FAM120B: variants seen among roughly 807,000 people sequenced by gnomAD.
The protein encoded by FAM120B is constitutive coactivator of peroxisome proliferator-activated receptor gamma.
In FAM120B, 83 loss-of-function variants were observed where a neutral mutation model predicts 96.3. That is an observed-to-expected ratio of 0.86 (90% CI 0.72 to 1.03). The LOEUF is 1.03. Among genes scored for constraint, FAM120B ranks in the 50% least tolerant of loss-of-function variants. The probability of loss-of-function intolerance (pLI) is 0.00; values close to 1 mark genes in which losing one functional copy is unlikely to be tolerated. For missense variants in FAM120B, 1,027 were observed against 1,121.2 expected, an observed-to-expected ratio of 0.92 and a Z score of 1.20; for synonymous variants, 407 against 402.7, an observed-to-expected ratio of 1.01 and a Z score of -0.13.
At chr6:170,385,379 G>T (rs552011510) in intron 6 of FAM120B, among the ~76,000 whole-genome samples, 37 of 152,074 alleles carry the variant, frequency 2.4e-4, no homozygotes, top group Admixed American at 2.3e-3. Flanking sequence ...TAAAAAAAAG[G>T]CTGAAAATCA....
At chr6:170,329,325 T>G (rs965784549) in intron 3 of FAM120B, among the ~76,000 whole-genome samples, 1 of 151,842 alleles carries the variant, frequency 6.6e-6, no homozygotes, top group Non-Finnish European at 1.5e-5. Flanking sequence ...TGATAGAGAG[T>G]TGTTTCCCTT....
In FAM120B at chr6:170,318,692, G is replaced by C; in HGVS notation, c.1302G>C (p.Arg434Ser). ...CCATGTATACAGACTCTGAACCCAG[G>C]CAAGAAGTTCCCATGTATACAGACT... ...EVPMYTDSEP[R>S]QEVPMYTDSE... The change falls in exon 2 of 11, where the codon AGG becomes AGC. Residue 434 changes from arginine (R) to serine (S), a missense_variant. Physicochemically the swap from Arg to Ser is moderately radical, Grantham distance 110 (BLOSUM62 -1). This residue lies in a region of FAM120B where 880 missense variants were observed against 980.9 expected (regional missense o/e 0.90). Transcript: ENST00000476287. 6.3e-7 allele frequency: 1 copy of C among 1,593,436 alleles called. No homozygotes were observed. Among genetic ancestry groups the C allele is most frequent in the Non-Finnish European group, 8.6e-7 (1 of 1,168,906 alleles).
chr6:170,376,457 G>A (rs1470335084), intron 6 of FAM120B, among the ~76,000 whole-genome samples: 10 of 144,810 alleles, frequency 6.9e-5, no homozygotes, highest in African/African-American at 2.5e-4. Flanking sequence ...TGAACACAGA[G>A]ATCATAGTGT....
At chr6:170,382,972 G>C (rs545156122) in intron 6 of FAM120B, among the ~76,000 whole-genome samples, 3 of 152,196 alleles carry the variant, frequency 2.0e-5, no homozygotes, top group East Asian at 3.9e-4. Context: ...AAACAGAATA[G>C]AGAACCCAGA....
At chr6:170,348,129 A>G (rs1174577408) in intron 4 of FAM120B, 22 bp from the exon 5 acceptor site, 2 of 1,605,716 alleles carry the variant, frequency 1.2e-6, no homozygotes, top group Admixed American at 3.4e-5. Context: ...ACAATAGTTA[A>G]TGGACTTTTT....
chr6:170,341,272 C>A (rs9366210), intron 4 of FAM120B, among the ~76,000 whole-genome samples: 16,969 of 152,230 alleles, frequency 0.11, 1,095 homozygotes, highest in East Asian at 0.2. Context: ...TCCGCCCAGT[C>A]CAAACTTCCT....
intron 9 of FAM120B, among the ~76,000 whole-genome samples, chr6:170,397,685 G>A (rs553959680): frequency 6.6e-6 from 1 of 152,342 alleles, no homozygotes; most frequent in East Asian, 1.9e-4. Flanking sequence ...GTTGACTGAT[G>A]TGGAGTAAAG....
chr6:170,299,942 A>T (rs903877549), intron 1 of FAM120B, among the ~76,000 whole-genome samples: 2 of 152,254 alleles, frequency 1.3e-5, no homozygotes, highest in African/African-American at 4.8e-5. Context: ...GATCATAAGA[A>T]GAGGAACATT....
At chr6:170,330,416 C>A in intron 3 of FAM120B, 33 bp from the exon 4 acceptor site, 1 of 1,550,704 alleles carries the variant, frequency 6.4e-7, no homozygotes, top group Non-Finnish European at 8.9e-7. Flanking sequence ...TGCATGCCCT[C>A]ATGCATCTAC....
At position 170,330,489 on chromosome 6, in the gene FAM120B, G is replaced by A. The variant is rs765456671; in HGVS notation, c.1956G>A (p.Val652=). 11 of 1,614,046 alleles carry A rather than the reference G, an allele frequency of 6.8e-6. No homozygotes were observed. In the Admixed American group the frequency reaches 1.7e-4, roughly 24 times the overall value. ...GCCTAGCTGTCAAGGAGTGGTTTGT[G>A]TATCCTGGGAACCCACTGAGGCACC... is the stretch of plus-strand genomic sequence containing the variant. ...STCLAVKEWF[V]YPGNPLRHPD... The change falls in exon 4 of 11, where the codon GTG becomes GTA. Residue 652 remains valine (V), a synonymous_variant. Transcript: ENST00000476287.
chr6:170,294,454 C>G (rs1167841778), upstream of FAM120B, among the ~76,000 whole-genome samples: 1 of 152,092 alleles, frequency 6.6e-6, no homozygotes, highest in Non-Finnish European at 1.5e-5. The surrounding 1 kb of genome is among the most constrained non-coding windows in gnomAD (Gnocchi z 7.9). Flanking sequence ...TAAGCTCAGG[C>G]TGTATAATGA....
chr6:170,392,203 GT>G (rs1403554249), intron 8 of FAM120B, among the ~76,000 whole-genome samples: 1 of 152,018 alleles, frequency 6.6e-6, no homozygotes, highest in Non-Finnish European at 1.5e-5. Flanking sequence ...AAGTCTGGGG[GT>G]TTTTTGCTTT....
At chr6:170,303,948 T>A (rs1279555506), upstream of FAM120B, among the ~76,000 whole-genome samples, 1 of 152,246 alleles carries the variant, frequency 6.6e-6, no homozygotes, top group Non-Finnish European at 1.5e-5. Context: ...AGGCATTCCA[T>A]GTGATTCACT....
Position 170,361,256 on chromosome 6 carries a change from G to GTA in FAM120B, c.2283+2939_2283+2940insAT, listed in dbSNP as rs1491550544. On this transcript the variant is annotated intron_variant, in intron 6 of 10. Transcript: ENST00000476287. Reference sequence around the variant, plus strand: ...TATATACACGTATATATATATATACGTGTATATATATAGTTACATACATAT... The same window carrying GTA: ...TATATACACGTATATATATATATACGTATGTATATATATAGTTACATACATAT... Among the ~76,000 whole-genome samples the GTA allele has an allele frequency of 1.3e-4, 12 of 89,140 alleles. 1 individual carries two copies. The East Asian group carries it at 1.8e-3, about 13-fold the overall frequency. 58.5% of individuals were successfully genotyped at this position (89,140 alleles called of 152,430 possible).
At chr6:170,376,909 G>A (rs939475351) in intron 6 of FAM120B, among the ~76,000 whole-genome samples, 2 of 152,010 alleles carry the variant, frequency 1.3e-5, no homozygotes, top group African/African-American at 4.8e-5. Flanking sequence ...GCCACTTTGT[G>A]CTTTGCACAC....
chr6:170,405,922 CG>C lies in FAM120B; in HGVS notation c.*1173del, dbSNP rs1203146156. 6.6e-6 allele frequency: 1 copy of C among 152,176 alleles called. No individual in the cohort carries two copies. Among genetic ancestry groups the C allele is most frequent in the Admixed American group, 6.5e-5 (1 of 15,278 alleles). 9.4% of individuals were successfully genotyped at this position (152,176 alleles called of 1,614,324 possible). Reference sequence around the variant, plus strand: ...CAGAGAGCATGCTGAGAGCAGCCAGCGGCTGGGCTGCCATCAGGCCTGGTTT... The same window carrying C: ...CAGAGAGCATGCTGAGAGCAGCCAGCGCTGGGCTGCCATCAGGCCTGGTTT... On this transcript the variant is annotated 3_prime_UTR_variant, in exon 11 of 11. Coordinates refer to ENST00000476287, the MANE Select transcript of FAM120B (RefSeq NM_032448.3).
intron 1 of FAM120B, among the ~76,000 whole-genome samples, chr6:170,298,996 A>G (rs1784084205): frequency 6.6e-6 from 1 of 152,230 alleles, no homozygotes; most frequent in Non-Finnish European, 1.5e-5. Context: ...GACTCATCAC[A>G]GGGGCTGAGG....
intron 6 of FAM120B, among the ~76,000 whole-genome samples, chr6:170,383,505 T>C (rs1790031593): frequency 6.6e-6 from 1 of 152,218 alleles, no homozygotes; most frequent in African/African-American, 2.4e-5. Context: ...ATAGACATTT[T>C]ACCAAAGACA....
chr6:170,361,193 T>TATATATATAC (rs1249914096), intron 6 of FAM120B, among the ~76,000 whole-genome samples: 1 of 83,978 alleles, frequency 1.2e-5, no homozygotes. Context: ...TATATATATA[T>TATATATATAC]ACGTGTATAT....
Sources: gnomAD v4.1 joint callset for allele counts (sites outside exome capture counted in the v4.1 genomes callset) on GRCh38, gnomAD v4.1.1 for gene constraint, gnomAD v4.1.1 regional missense constraint, Gnocchi (gnomAD v3.1) non-coding constraint, MANE v1.5 for transcripts, NCBI Gene and HGNC (gene_info 2026-07-23, HGNC 2026-07-21) for gene names.